The following NRG1 variants were observed in gnomAD, a reference collection of about 807,000 sequenced individuals.
NRG1 encodes the protein neuregulin 1.
Under a neutral mutation model 63.8 loss-of-function variants are expected in NRG1, and 18 were observed. That is an observed-to-expected ratio of 0.28 (90% CI 0.19 to 0.42). NRG1 has a LOEUF of 0.42. Ranked by LOEUF, NRG1 falls within the 10% of genes least tolerant of loss-of-function variation. The probability of loss-of-function intolerance (pLI) is 1.00; values close to 1 mark genes in which losing one functional copy is unlikely to be tolerated. For synonymous variants in NRG1, 302 were observed against 301.3 expected (o/e 1.00, Z -0.02); for missense variants, 762 against 814.7 (o/e 0.94, Z 0.79).
chr8:32,062,899 G>C (rs919759935), intron 1 of NRG1, among the ~76,000 whole-genome samples: 2 of 151,970 alleles, frequency 1.3e-5, no homozygotes, highest in Non-Finnish European at 2.9e-5. Context: ...TTTTGGTACT[G>C]TGTATTAGGT....
rs191897904 is a variant in NRG1, at chr8:31,670,621, G to A, written c.37+31190G>A. 5.3e-5 allele frequency among the ~76,000 whole-genome samples: 8 copies of A among 151,564 alleles called. No homozygotes were observed. In the East Asian group the frequency reaches 1.4e-3, roughly 26 times the overall value. ...CTTCTGACAGAGATGATCAGAGAAAGGGATCATAAGTGGTTTCATATGAAT... is the reference window on the plus strand; with the variant it reads ...CTTCTGACAGAGATGATCAGAGAAAAGGATCATAAGTGGTTTCATATGAAT... On this transcript the variant is annotated intron_variant, in intron 1 of 10. Coordinates refer to the NRG1 transcript ENST00000519301.
chr8:32,721,370 G>T (rs1820585151), intron 5 of NRG1, among the ~76,000 whole-genome samples: 1 of 152,082 alleles, frequency 6.6e-6, no homozygotes, highest in Admixed American at 6.6e-5. Flanking sequence ...TTGTTCTTTG[G>T]ACAAAGTGTC....
chr8:31,778,019 G>A (rs939171327), intron 1 of NRG1, among the ~76,000 whole-genome samples: 2 of 152,078 alleles, frequency 1.3e-5, no homozygotes, highest in Non-Finnish European at 2.9e-5. Context: ...GTTAAACTCC[G>A]GGAGAGACAA....
chr8:32,631,251 T>A (rs1336201122), intron 5 of NRG1, among the ~76,000 whole-genome samples: 1 of 152,238 alleles, frequency 6.6e-6, no homozygotes, highest in East Asian at 1.9e-4. Context: ...ATTACAACTC[T>A]TCTTTCTGTA....
intron 1 of NRG1, among the ~76,000 whole-genome samples, chr8:31,798,348 G>A (rs59656496): frequency 0.16 from 23,756 of 152,074 alleles, 2,150 homozygotes; most frequent in Non-Finnish European, 0.19. Flanking sequence ...ATTATCATGT[G>A]TCAACTAAAA....
chr8:32,437,497 C>A (rs1818941048), intron 1 of NRG1, among the ~76,000 whole-genome samples: 1 of 152,156 alleles, frequency 6.6e-6, no homozygotes. Flanking sequence ...ATGATCAGCT[C>A]TAAAGAAATG....
intron 1 of NRG1, among the ~76,000 whole-genome samples, chr8:32,267,053 A>G (rs1192600088): frequency 6.6e-6 from 1 of 151,144 alleles, no homozygotes. Context: ...CATCTCAAAA[A>G]AAGAAAGAAA....
chr8:32,720,337 A>G (rs959354160), intron 5 of NRG1, among the ~76,000 whole-genome samples: 7 of 152,154 alleles, frequency 4.6e-5, no homozygotes, highest in Non-Finnish European at 8.8e-5. Context: ...AGTATAGTAA[A>G]GAATGTGTGC....
chr8:32,476,444 C>T (rs1824530727), intron 1 of NRG1, among the ~76,000 whole-genome samples: 1 of 152,166 alleles, frequency 6.6e-6, no homozygotes. Context: ...AGTTTCATTT[C>T]AGGAGGTCAA....
intron 1 of NRG1, among the ~76,000 whole-genome samples, chr8:32,025,085 T>C (rs1817035799): frequency 6.6e-6 from 1 of 152,212 alleles, no homozygotes; most frequent in African/African-American, 2.4e-5. Flanking sequence ...TATATTTCTC[T>C]GGTGAGATCA....
At chr8:32,241,554 T>C (rs1186502822) in intron 1 of NRG1, among the ~76,000 whole-genome samples, 1 of 152,148 alleles carries the variant, frequency 6.6e-6, no homozygotes, top group Admixed American at 6.5e-5. Flanking sequence ...ACAATTGGCG[T>C]GCAATAGAGT....
intron 5 of NRG1, among the ~76,000 whole-genome samples, chr8:32,696,502 T>C (rs1184696023): frequency 6.6e-6 from 1 of 152,166 alleles, no homozygotes; most frequent in East Asian, 1.9e-4. Flanking sequence ...CCCTGGAAAT[T>C]ATAATTTCAG....
chr8:32,613,908 T>G (rs1281877894), intron 3 of NRG1, among the ~76,000 whole-genome samples: 1 of 152,088 alleles, frequency 6.6e-6, no homozygotes, highest in Non-Finnish European at 1.5e-5. Context: ...ATGAAAATGA[T>G]GTATCCAGAA....
intron 5 of NRG1, among the ~76,000 whole-genome samples, chr8:32,628,755 T>C (rs1005549252): frequency 1.3e-5 from 2 of 150,030 alleles, no homozygotes; most frequent in Admixed American, 6.6e-5. Context: ...TTTTTTGATA[T>C]GAAGTCTCGC....
At chr8:32,647,815 C>T (rs376427465) in intron 5 of NRG1, 5 of 1,613,772 alleles carry the variant, frequency 3.1e-6, no homozygotes, top group East Asian at 2.2e-5. Flanking sequence ...GATGGGCTTC[C>T]GGCAGCAGAA....
At chr8:32,649,021 G>T (rs1854340817) in intron 5 of NRG1, among the ~76,000 whole-genome samples, 1 of 152,238 alleles carries the variant, frequency 6.6e-6, no homozygotes, top group Admixed American at 6.5e-5. Flanking sequence ...CTTACTAGTG[G>T]CAGCTTTATT....
At chr8:32,071,390 T>G (rs1825737320) in intron 1 of NRG1, among the ~76,000 whole-genome samples, 1 of 152,204 alleles carries the variant, frequency 6.6e-6, no homozygotes, top group South Asian at 2.1e-4. Context: ...GTGAATGAAC[T>G]TTCAAAATTA....
chr8:32,461,653 T>C (rs542400135), intron 1 of NRG1, among the ~76,000 whole-genome samples: 37 of 152,142 alleles, frequency 2.4e-4, no homozygotes, highest in Admixed American at 7.2e-4. Flanking sequence ...GATCATGCCG[T>C]TGCACTCCAG....
chr8:31,786,325 A>G (rs756390422), intron 1 of NRG1, among the ~76,000 whole-genome samples: 1 of 152,166 alleles, frequency 6.6e-6, no homozygotes, highest in African/African-American at 2.4e-5. Context: ...TGTCTTTTCT[A>G]TTCTCTCATT....
Sources: allele counts gnomAD v4.1 joint callset (sites outside exome capture counted in the v4.1 genomes callset), GRCh38; gene constraint gnomAD v4.1.1; transcripts MANE v1.5; gene names NCBI Gene and HGNC (gene_info 2026-07-23, HGNC 2026-07-21).